Variants in SIGLECL1 observed in about 807,000 individuals in gnomAD.
The protein encoded by SIGLECL1 is SIGLEC family like 1, also known as SIGLEC family-like protein 1.
SIGLECL1 carries 16 observed loss-of-function variants against 19.1 expected under a neutral mutation model. The ratio of observed to expected loss-of-function variants is 0.84; its 90% confidence interval spans 0.57 to 1.27. The LOEUF (loss-of-function observed/expected upper bound fraction) is 1.27. Ranked by LOEUF, SIGLECL1 falls within the 50% of genes most tolerant of loss-of-function variation. SIGLECL1 has a pLI of 0.00. For synonymous variants in SIGLECL1, 89 were observed against 90.4 expected (o/e 0.98, Z 0.09); for missense variants, 210 against 239.4 (o/e 0.88, Z 0.81).
chr19:51,259,232 G>A (rs1983033861), intron 1 of SIGLECL1, among the ~76,000 whole-genome samples: 1 of 152,126 alleles, frequency 6.6e-6, no homozygotes, highest in Non-Finnish European at 1.5e-5. Context: ...GCGAAACTTT[G>A]GATGAAAATT....
intron 1 of SIGLECL1, among the ~76,000 whole-genome samples, chr19:51,255,215 A>G (rs193285624): frequency 3.3e-5 from 5 of 151,646 alleles, no homozygotes; most frequent in East Asian, 1.9e-4. Flanking sequence ...AGCCAAGATC[A>G]TGCCACTGCA....
Position 51,266,125 on chromosome 19 carries a change from C to A in SIGLECL1, c.410+243C>A, listed in dbSNP as rs999282457. 3.3e-5 allele frequency among the ~76,000 whole-genome samples: 5 copies of A among 152,152 alleles called. No individual in the cohort carries two copies. In the East Asian group the frequency reaches 9.6e-4, roughly 29 times the overall value. On this transcript the variant is annotated intron_variant, in intron 4 of 5. Transcript: ENST00000601727. The stretch of plus-strand genomic sequence containing the variant: ...TATAAAGGAGAAGACCAAGAAGGGA[C>A]TTGGCAGCCCTGGAAAAGGCAGCAG...
chr19:51,251,016 C>A (rs988383785), upstream of SIGLECL1: 1 of 152,270 alleles, frequency 6.6e-6, no homozygotes, highest in African/African-American at 2.4e-5. Flanking sequence ...AAAATAAGCA[C>A]ATGCAGCCTC....
At chr19:51,262,660 T>C (rs1389816083) in intron 1 of SIGLECL1, among the ~76,000 whole-genome samples, 2 of 152,228 alleles carry the variant, frequency 1.3e-5, no homozygotes, top group Non-Finnish European at 2.9e-5. Flanking sequence ...TTTTTATGTA[T>C]GACATGAGGT....
intron 4 of SIGLECL1, 97 bp from the exon 5 acceptor site, chr19:51,267,276 G>T: frequency 6.8e-7 from 1 of 1,462,226 alleles, no homozygotes; most frequent in Non-Finnish European, 9.2e-7. Context: ...TGGTACTGTT[G>T]TTGAGGCTCT....
upstream of SIGLECL1, among the ~76,000 whole-genome samples, chr19:51,249,844 T>C (rs1982389677): frequency 6.6e-6 from 1 of 152,188 alleles, no homozygotes; most frequent in Admixed American, 6.5e-5. Flanking sequence ...AATAAAAGAA[T>C]GATTACTTCA....
rs1251645021 is a variant in SIGLECL1, at chr19:51,251,295, T to A, written c.-441T>A. The A allele has an allele frequency of 6.6e-6, 1 of 152,560 alleles. No individual in the cohort carries two copies. Among genetic ancestry groups the A allele is most frequent in the Admixed American group, 6.5e-5 (1 of 15,292 alleles). The allele number at this position is 152,560 out of a possible 1,614,324, so 9.5% of individuals were successfully genotyped here. A position where few individuals can be genotyped will look rare whatever the true frequency, so the allele number is the denominator to read the frequency against. On this transcript the variant is annotated 5_prime_UTR_variant, in exon 1 of 6. Coordinates refer to ENST00000601727, the MANE Select transcript of SIGLECL1 (RefSeq NM_001385465.1). ...TCATTGAAACTGCACTAACTGGGCT[T>A]CCAGTCAGCGTCAGTCAGCGGATCC... is the stretch of plus-strand genomic sequence containing the variant.
chr19:51,265,937 T>G (rs376135467), intron 4 of SIGLECL1, 55 bp downstream of exon 4: 7 of 1,576,362 alleles, frequency 4.4e-6, no homozygotes, highest in African/African-American at 4.0e-5. Flanking sequence ...AGGCCCTGGC[T>G]GCAGCCCTGG....
At chr19:51,255,078 G>A (rs909934774) in intron 1 of SIGLECL1, among the ~76,000 whole-genome samples, 14 of 151,798 alleles carry the variant, frequency 9.2e-5, no homozygotes, top group Non-Finnish European at 1.8e-4. Flanking sequence ...TGGCCAACAT[G>A]GTGAAACCCT....
Position 51,269,086 on chromosome 19 carries a change from C to T in SIGLECL1, c.*489C>T, listed in dbSNP as rs1304675531. The T allele has an allele frequency of 1.2e-5, 2 of 161,590 alleles. No individual in the cohort carries two copies. The highest frequency in any genetic ancestry group is 4.8e-5 in the African/African-American group (2 of 41,488). The allele number at this position is 161,590 out of a possible 1,614,324, so 10.0% of individuals were successfully genotyped here. On this transcript the variant is annotated 3_prime_UTR_variant, in exon 6 of 6. Coordinates refer to ENST00000601727, the MANE Select transcript of SIGLECL1 (RefSeq NM_001385465.1). Reference sequence around the variant, plus strand: ...CTTTCATTCCCCATCCTTTGAACATCACATGACCCATATCTGGGTGGAGAA... The same window carrying T: ...CTTTCATTCCCCATCCTTTGAACATTACATGACCCATATCTGGGTGGAGAA...
chr19:51,254,187 G>A (rs1426688711), intron 1 of SIGLECL1, among the ~76,000 whole-genome samples: 1 of 151,910 alleles, frequency 6.6e-6, no homozygotes, highest in African/African-American at 2.4e-5. Flanking sequence ...AAATGAATTG[G>A]GTCTAGTAGT....
upstream of SIGLECL1, among the ~76,000 whole-genome samples, chr19:51,250,084 C>CT (rs529491900): frequency 0.084 from 11,813 of 140,992 alleles, 1,511 homozygotes; most frequent in African/African-American, 0.28. Flanking sequence ...TGGCTGGCTT[C>CT]TTTTTTTTTT....
Position 51,254,147 on chromosome 19 carries a change from G to A in SIGLECL1, c.-191+2602G>A, listed in dbSNP as rs187119122. On this transcript the variant is annotated intron_variant, in intron 1 of 5. Transcript: ENST00000601727. The stretch of plus-strand genomic sequence containing the variant: ...CAGCCTGGGCAATATAGCAAGACTC[G>A]ACTCTCTCTCTACAGAAAATATTTT... Among the ~76,000 whole-genome samples, 36 of 152,078 alleles carry A rather than the reference G, an allele frequency of 2.4e-4. 1 individual carries two copies. In the East Asian group the frequency reaches 5.8e-3, roughly 25 times the overall value.
intron 1 of SIGLECL1, among the ~76,000 whole-genome samples, chr19:51,263,088 G>A (rs142158461): frequency 0.013 from 1,944 of 152,148 alleles, 23 homozygotes; most frequent in African/African-American, 0.038. Context: ...TTGTAGAAAC[G>A]GGGTTTTACC....
At chr19:51,267,608 T>C in intron 5 of SIGLECL1, 79 bp downstream of exon 5, 1 of 1,519,416 alleles carries the variant, frequency 6.6e-7, no homozygotes, top group Non-Finnish European at 9.0e-7. Context: ...CACACAGTGT[T>C]TTGAAGGTGT....
At chr19:51,250,007 T>C (rs1982395979), upstream of SIGLECL1, among the ~76,000 whole-genome samples, 1 of 152,086 alleles carries the variant, frequency 6.6e-6, no homozygotes, top group African/African-American at 2.4e-5. Flanking sequence ...GTCATGGTGC[T>C]GGTAGGAGTG....
At chr19:51,249,289 G>A (rs1982361557), upstream of SIGLECL1, among the ~76,000 whole-genome samples, 1 of 152,094 alleles carries the variant, frequency 6.6e-6, no homozygotes, top group Non-Finnish European at 1.5e-5. Flanking sequence ...AAGCAAGGAG[G>A]TAGAAGAGGG....
intron 2 of SIGLECL1, chr19:51,264,303 A>G: frequency 1.8e-6 from 1 of 540,740 alleles, no homozygotes; most frequent in African/African-American, 1.9e-5. Context: ...AAATTGGGCA[A>G]GGGAGAGGGA....
At chr19:51,254,596 C>T (rs542148817) in intron 1 of SIGLECL1, among the ~76,000 whole-genome samples, 3 of 152,006 alleles carry the variant, frequency 2.0e-5, no homozygotes, top group African/African-American at 4.8e-5. Flanking sequence ...TTTATAATTA[C>T]GGAAAATAGA....
Sources: gnomAD v4.1 joint callset for allele counts (sites outside exome capture counted in the v4.1 genomes callset) on GRCh38, gnomAD v4.1.1 for gene constraint, MANE v1.5 for transcripts, NCBI Gene and HGNC (gene_info 2026-07-23, HGNC 2026-07-21) for gene names.